Variants in CIITA observed in about 807,000 individuals in gnomAD.
CIITA encodes MHC class II transactivator.
Under a neutral mutation model 115.1 loss-of-function variants are expected in CIITA, and 72 were observed. The observed-to-expected ratio is 0.63, with a 90% CI of 0.52 to 0.76. The LOEUF is 0.76. CIITA is among the 30% of genes least tolerant of loss of function. The probability of loss-of-function intolerance (pLI) is 0.00; values close to 1 mark genes in which losing one functional copy is unlikely to be tolerated. For missense variants in CIITA, 1,617 were observed against 1,463.8 expected (o/e 1.10, Z -1.71); for synonymous variants, 763 against 635.6 (o/e 1.20, Z -3.02).
Position 10,871,912 on chromosome 16 carries a change from A to C in CIITA, c.-21+5593A>C, listed in dbSNP as rs563740619. ...TTTCCCAGGCCAGCCTGTTCCAAAC[A>C]CAGCTTGCCCCCAAGCCTGGCACTT... On this transcript the variant is annotated intron_variant, in intron 1 of 5. Coordinates refer to the CIITA transcript ENST00000636238. Among the ~76,000 whole-genome samples the C allele has an allele frequency of 5.9e-5, 9 of 152,244 alleles. No homozygotes were observed. The East Asian group carries it at 1.7e-3, about 29-fold the overall frequency.
chr16:10,902,140 C>T lies in CIITA; in HGVS notation c.584C>T (p.Pro195Leu). 6.2e-7 allele frequency: 1 copy of T among 1,614,210 alleles called. No homozygotes were observed. The highest frequency in any genetic ancestry group is 8.5e-7 in the Non-Finnish European group (1 of 1,180,030). The change falls in exon 7 of 20, where the codon CCA (proline) becomes CTA (leucine). Residue 195 changes from proline (P) to leucine (L), a missense_variant. By Grantham distance (98) the Pro-to-Leu change is moderately conservative. Coordinates refer to ENST00000324288, the MANE Select transcript of CIITA (RefSeq NM_000246.4). ...CTGCCTGCGCTGTTCAACCAGGAGCCAGCCTCCGGCCAGATGCGCCTGGAG... is the reference window on the plus strand; with the variant it reads ...CTGCCTGCGCTGTTCAACCAGGAGCTAGCCTCCGGCCAGATGCGCCTGGAG... ...LPLPALFNQE[P>L]ASGQMRLEKT...
chr16:10,902,519 G>T, intron 7 of CIITA, 139 bp from the exon 8 acceptor site: 1 of 1,064,590 alleles, frequency 9.4e-7, no homozygotes, highest in Middle Eastern at 2.5e-4. Context: ...AATTCCATCA[G>T]GGCAGGACAG....
intron 18 of CIITA, chr16:10,922,865 T>C: frequency 2.0e-6 from 1 of 491,404 alleles, no homozygotes. Context: ...GTCACCATGA[T>C]GTCCAATACT....
intron 15 of CIITA, among the ~76,000 whole-genome samples, chr16:10,917,704 T>C (rs1567442432): frequency 6.6e-6 from 1 of 152,154 alleles, no homozygotes; most frequent in Non-Finnish European, 1.5e-5. Flanking sequence ...GGTCTTGAAC[T>C]CCTGACCTCA....
At chr16:10,876,164 A>C (rs531484247), upstream of CIITA, among the ~76,000 whole-genome samples, 2 of 151,954 alleles carry the variant, frequency 1.3e-5, no homozygotes, top group African/African-American at 4.8e-5. Flanking sequence ...CTAAAAAAAA[A>C]CAAAAACAAA....
At chr16:10,868,986 C>T (rs964961444) in intron 1 of CIITA, among the ~76,000 whole-genome samples, 1 of 152,222 alleles carries the variant, frequency 6.6e-6, no homozygotes, top group East Asian at 1.9e-4. Context: ...TGCTGGGCAG[C>T]TCTCAGAGGG....
rs768885213 is a variant in CIITA at position 10,916,460 on chromosome 16, G to A, written c.3062+1G>A. Reference sequence around the variant, plus strand: ...AGCTGAAGTCCTTGGAAACCCTCAAGTGAGTGAGCTGGGCCTGCCCTTCCT... The same window carrying A: ...AGCTGAAGTCCTTGGAAACCCTCAAATGAGTGAGCTGGGCCTGCCCTTCCT... On this transcript the variant is annotated splice_donor_variant, in intron 15 of 19. Transcript: ENST00000324288. LOFTEE classifies it high-confidence loss of function. The A allele has an allele frequency of 6.2e-7, 1 of 1,610,292 alleles. No homozygotes were observed. The highest frequency in any genetic ancestry group is 2.2e-5 in the East Asian group (1 of 44,684).
chr16:10,877,123 G>T, upstream of CIITA: 1 of 635,342 alleles, frequency 1.6e-6, no homozygotes, highest in Admixed American at 2.4e-5. Flanking sequence ...CACCTTGCAG[G>T]GAGAGTTTTT....
chr16:10,866,593 A>C (rs925300731), intron 1 of CIITA: 4 of 510,014 alleles, frequency 7.8e-6, no homozygotes, highest in Non-Finnish European at 1.6e-5. Flanking sequence ...ATCACTTTTA[A>C]TCAAGGAGAA....
In CIITA at chr16:10,903,805, C is replaced by T. The variant is rs556369319; in HGVS notation, c.847C>T (p.Arg283Trp). The T allele has an allele frequency of 3.1e-6, 5 of 1,614,088 alleles. No individual in the cohort carries two copies. The highest frequency in any genetic ancestry group is 1.6e-4 in the Middle Eastern group (1 of 6,084). ...TVHGLPTSPD[R>W]PGSTSPFAPS... ...CCACGGCCTCCCAACATCTCCAGAC[C>T]GGCCAGGCTCCACCAGCCCCTTCGC... The change falls in exon 9 of 20, where the codon CGG becomes TGG. Residue 283 changes from arginine (R) to tryptophan (W), a missense_variant. Transcript: ENST00000324288.
intron 13 of CIITA, among the ~76,000 whole-genome samples, chr16:10,914,507 A>C (rs2039815789): frequency 6.6e-6 from 1 of 152,262 alleles, no homozygotes. Flanking sequence ...TAATTTTACC[A>C]AAGAATGATC....
rs1489862862 is a variant in CIITA at position 10,931,205 on chromosome 16, G to A, written c.*7350G>A. On this transcript the variant is annotated 3_prime_UTR_variant, in exon 20 of 20. Coordinates refer to ENST00000324288, the MANE Select transcript of CIITA (RefSeq NM_000246.4). ...AGGCATAGTGTAGTCTCAGCTACTT[G>A]GAAGGCTGAGGCAGGAGGATTGCGT... 2.0e-5 allele frequency: 3 copies of A among 152,136 alleles called. No homozygotes were observed. The highest frequency in any genetic ancestry group is 7.2e-5 in the African/African-American group (3 of 41,412). The allele number at this position is 152,136 out of a possible 1,614,324, so 9.4% of individuals were successfully genotyped here.
At chr16:10,889,739 A>G (rs895786607) in intron 1 of CIITA, among the ~76,000 whole-genome samples, 11 of 152,180 alleles carry the variant, frequency 7.2e-5, no homozygotes, top group African/African-American at 2.6e-4. Flanking sequence ...GGCTGGTCTC[A>G]AACTCCTGAC....
At chr16:10,872,835 A>G (rs1946730606), upstream of CIITA, among the ~76,000 whole-genome samples, 1 of 151,606 alleles carries the variant, frequency 6.6e-6, no homozygotes, top group African/African-American at 2.4e-5. Flanking sequence ...ACCAAAAAGC[A>G]TGAGATGAAG....
intron 9 of CIITA, among the ~76,000 whole-genome samples, chr16:10,904,173 T>A (rs1450790204): frequency 1.3e-5 from 2 of 152,180 alleles, no homozygotes; most frequent in Non-Finnish European, 2.9e-5. Flanking sequence ...CTTTTGAAGT[T>A]GAAAACCCTG....
At chr16:10,941,385 G>C, downstream of CIITA, 1 of 353,696 alleles carries the variant, frequency 2.8e-6, no homozygotes, top group Non-Finnish European at 4.4e-6. This position sits in a 1 kb window ranked among gnomAD's most constrained non-coding sequence, Gnocchi z 6.4. Flanking sequence ...CTTTGCTGGA[G>C]GAAGCTTTCC....
At chr16:10,898,813 C>CGA in intron 4 of CIITA, 81 bp downstream of exon 4, 1 of 1,598,476 alleles carries the variant, frequency 6.3e-7, no homozygotes. Flanking sequence ...TAATACCTGA[C>CGA]GACCATTCAT....
At chr16:10,904,881 C>A in intron 10 of CIITA, 69 bp downstream of exon 10, 1 of 1,499,436 alleles carries the variant, frequency 6.7e-7, no homozygotes, top group South Asian at 1.1e-5. Context: ...TCACATTGCT[C>A]ATTCACTTGA....
upstream of CIITA, among the ~76,000 whole-genome samples, chr16:10,872,967 T>C (rs1010611293): frequency 6.6e-6 from 1 of 152,208 alleles, no homozygotes; most frequent in Admixed American, 6.5e-5. Context: ...GTATCTTCTA[T>C]TTTATTATTT....
Sources: gnomAD v4.1 joint callset for allele counts (sites outside exome capture counted in the v4.1 genomes callset) on GRCh38, gnomAD v4.1.1 for gene constraint, Gnocchi (gnomAD v3.1) non-coding constraint, MANE v1.5 for transcripts, NCBI Gene and HGNC (gene_info 2026-07-23, HGNC 2026-07-21) for gene names.